The following CDKL5 variants were observed in gnomAD, a reference collection of about 807,000 sequenced individuals.
CDKL5 encodes cyclin-dependent kinase-like 5.
CDKL5 carries 8 observed loss-of-function variants against 61.7 expected under a neutral mutation model. The ratio of observed to expected loss-of-function variants is 0.13; its 90% CI spans 0.08 to 0.23. CDKL5 has a LOEUF of 0.23. Ranked by LOEUF, CDKL5 falls within the 10% of genes least tolerant of loss-of-function variation. CDKL5 has a pLI of 1.00. For synonymous variants in CDKL5, 275 were observed against 272.3 expected (o/e 1.01, Z -0.10); for missense variants, 440 against 734.5 (o/e 0.60, Z 4.63).
At chrX:18,552,044 C>A (rs1255585603) in intron 3 of CDKL5, among the ~76,000 whole-genome samples, 1 of 109,195 alleles carries the variant, frequency 9.2e-6, no homozygotes, top group Non-Finnish European at 1.9e-5. Flanking sequence ...TTGAGACAAG[C>A]CTGGCCAACA....
At chrX:18,596,485 A>G (rs902087584) in intron 10 of CDKL5, among the ~76,000 whole-genome samples, 2 of 112,317 alleles carry the variant, frequency 1.8e-5, no homozygotes, top group East Asian at 5.6e-4. Context: ...ATTTAATTAA[A>G]TACTGAATAC....
intron 1 of CDKL5, among the ~76,000 whole-genome samples, chrX:18,474,608 C>G (rs896086325): frequency 1.7e-4 from 19 of 112,136 alleles, no homozygotes; most frequent in Non-Finnish European, 2.4e-4. Context: ...TAACAATGCC[C>G]TTTTACAGCA....
intron 16 of CDKL5, 99 bp from the exon 17 acceptor site, chrX:18,625,029 G>T: frequency 1.2e-6 from 1 of 814,874 alleles, no homozygotes; most frequent in Non-Finnish European, 1.9e-6. Flanking sequence ...GTTTTGGTTT[G>T]GTTTGCTTTT....
Position 18,457,989 on chromosome X carries a change from C to T in CDKL5, c.-163+32294C>T, listed in dbSNP as rs754630870. On this transcript the variant is annotated intron_variant, in intron 1 of 17. Transcript: ENST00000623535. ...AGAGTGGAGTGCAATGGTGCGATCT[C>T]GACTCACTGGAACCTCCGCCTCCTG... 3.7e-3 allele frequency among the ~76,000 whole-genome samples: 332 copies of T among 90,935 alleles called. 2 individuals carry two copies. The Middle Eastern group carries it at 0.053, about 14-fold the overall frequency. 79.0% of individuals were successfully genotyped at this position (90,935 alleles called of 115,157 possible).
chrX:18,437,697 TTAAATTGG>T lies in CDKL5; in HGVS notation c.-163+12004_-163+12011del, dbSNP rs57284159. ...ACATTCTGTGGCCTTATCTTTTACA[TTAAATTGG>T]TCTCTGTTAAACATTTTATGTTCAG... On this transcript the variant is annotated intron_variant, in intron 1 of 17. Coordinates refer to ENST00000623535, the MANE Select transcript of CDKL5 (RefSeq NM_001323289.2). Among the ~76,000 whole-genome samples the T allele has an allele frequency of 5.1e-4, 57 of 112,594 alleles. 2 individuals carry two copies. The East Asian group carries it at 0.015, about 30-fold the overall frequency.
At chrX:18,554,063 TA>T (rs1193128541) in intron 3 of CDKL5, among the ~76,000 whole-genome samples, 6 of 106,744 alleles carry the variant, frequency 5.6e-5, no homozygotes, top group African/African-American at 1.0e-4. Context: ...TATATATATA[TA>T]TTTTTTTTTT....
chrX:18,596,007 T>G (rs1409865217), intron 10 of CDKL5, among the ~76,000 whole-genome samples: 1 of 111,728 alleles, frequency 9.0e-6, no homozygotes, highest in Non-Finnish European at 1.9e-5. Flanking sequence ...TCAAGTTTAT[T>G]TTTTTTTCTC....
intron 1 of CDKL5, among the ~76,000 whole-genome samples, chrX:18,433,542 C>A (rs1006639307): frequency 3.6e-5 from 4 of 112,064 alleles, no homozygotes; most frequent in African/African-American, 1.3e-4. Flanking sequence ...AAGAGCGAGA[C>A]TCCGTTTAAA....
intron 1 of CDKL5, among the ~76,000 whole-genome samples, chrX:18,444,590 T>G (rs2147628122): frequency 8.9e-6 from 1 of 112,297 alleles, no homozygotes; most frequent in East Asian, 2.8e-4. Context: ...TGCTGGGATG[T>G]ACAGGCATGA....
chrX:18,553,704 A>G (rs756014181), intron 3 of CDKL5, among the ~76,000 whole-genome samples: 2 of 111,556 alleles, frequency 1.8e-5, no homozygotes, highest in Admixed American at 9.5e-5. Flanking sequence ...CATGTTGGCC[A>G]GGCTGTTCTC....
intron 1 of CDKL5, among the ~76,000 whole-genome samples, chrX:18,484,333 G>A (rs1354266987): frequency 9.1e-6 from 1 of 109,651 alleles, no homozygotes; most frequent in African/African-American, 3.3e-5. Flanking sequence ...TTTTTTGGGG[G>A]GGGGACAGTC....
At chrX:18,494,465 G>T (rs1461498954) in intron 1 of CDKL5, among the ~76,000 whole-genome samples, 1 of 110,714 alleles carries the variant, frequency 9.0e-6, no homozygotes, top group Non-Finnish European at 1.9e-5. Context: ...TGCCACGTTG[G>T]CCAGGCTGGT....
chrX:18,576,106 A>G (rs1330925150), intron 5 of CDKL5, among the ~76,000 whole-genome samples: 1 of 111,842 alleles, frequency 8.9e-6, no homozygotes, highest in Non-Finnish European at 1.9e-5. Flanking sequence ...AATGTATGTT[A>G]CAGTAATCAA....
intron 4 of CDKL5, among the ~76,000 whole-genome samples, chrX:18,573,658 T>G (rs1602268386): frequency 8.9e-6 from 1 of 112,595 alleles, no homozygotes; most frequent in Admixed American, 9.4e-5. Flanking sequence ...ATTCGCTGCT[T>G]ATGCCACAGT....
intron 10 of CDKL5, among the ~76,000 whole-genome samples, chrX:18,596,925 A>G (rs574685438): frequency 1.8e-5 from 2 of 112,471 alleles, no homozygotes; most frequent in African/African-American, 6.5e-5. Context: ...ATTCCTATTT[A>G]TTTAATATCT....
chrX:18,473,560 G>GGCCTC (rs1489731033), intron 1 of CDKL5, among the ~76,000 whole-genome samples: 1 of 109,586 alleles, frequency 9.1e-6, no homozygotes, highest in African/African-American at 3.3e-5. Flanking sequence ...GTGGAGTTTT[G>GGCCTC]GCCTCCCTGT....
intron 3 of CDKL5, among the ~76,000 whole-genome samples, chrX:18,532,512 G>A (rs1923683779): frequency 9.0e-6 from 1 of 110,764 alleles, no homozygotes; most frequent in Non-Finnish European, 1.9e-5. Flanking sequence ...GACTAAGCAC[G>A]GCTTAAATTT....
intron 3 of CDKL5, among the ~76,000 whole-genome samples, chrX:18,525,744 C>CTTTTTTTTTTT (rs778200388): frequency 1.3e-5 from 1 of 75,654 alleles, no homozygotes. Context: ...AATATTGAGT[C>CTTTTTTTTTTT]TTTTTTTTTT....
At chrX:18,470,379 A>AAAAAAAAAAAAAAGAAGAAAAG in intron 1 of CDKL5, among the ~76,000 whole-genome samples, 3 of 79,720 alleles carry the variant, frequency 3.8e-5, no homozygotes, top group Non-Finnish European at 5.0e-5. Flanking sequence ...AGAAGAAAAG[A>AAAAAAAAAAAAAAGAAGAAAAG]AAAAAAAAAA....
Sources: allele counts gnomAD v4.1 joint callset (sites outside exome capture counted in the v4.1 genomes callset), GRCh38; gene constraint gnomAD v4.1.1; transcripts MANE v1.5; gene names NCBI Gene and HGNC (gene_info 2026-07-23, HGNC 2026-07-21).